OPCML: variants seen among roughly 807,000 people sequenced by gnomAD.
OPCML encodes opioid binding protein/cell adhesion molecule like.
In OPCML, 13 loss-of-function variants were observed where a neutral mutation model predicts 37.8. The ratio of observed to expected loss-of-function variants is 0.34; its 90% CI spans 0.22 to 0.55. OPCML has a LOEUF of 0.55. Ranked by LOEUF, OPCML falls within the 20% of genes least tolerant of loss-of-function variation. The pLI is 0.91. For missense variants in OPCML, 341 were observed against 435.6 expected, an observed-to-expected ratio of 0.78 and a Z score of 1.93; for synonymous variants, 176 against 168.8, an observed-to-expected ratio of 1.04 and a Z score of -0.33.
At chr11:133,271,078 T>C (rs1941814772) in intron 1 of OPCML, among the ~76,000 whole-genome samples, 3 of 152,222 alleles carry the variant, frequency 2.0e-5, no homozygotes, top group Admixed American at 6.5e-5. Context: ...TCAGACTTTG[T>C]GGCCAGGAAT....
At chr11:132,837,662 C>T (rs559858622) in intron 2 of OPCML, among the ~76,000 whole-genome samples, 3 of 152,234 alleles carry the variant, frequency 2.0e-5, no homozygotes, top group Admixed American at 2.0e-4. Context: ...CAGCAAGGGG[C>T]CAAGGTCAGT....
intron 3 of OPCML, among the ~76,000 whole-genome samples, chr11:132,591,230 C>T (rs1004573258): frequency 3.3e-5 from 5 of 152,126 alleles, no homozygotes; most frequent in African/African-American, 4.8e-5. Context: ...CAGACAGAGA[C>T]GGGTGTGAGG....
At chr11:132,423,655 G>A (rs893131160) in intron 7 of OPCML, among the ~76,000 whole-genome samples, 2 of 152,242 alleles carry the variant, frequency 1.3e-5, no homozygotes, top group African/African-American at 4.8e-5. Context: ...CTAGGCTGCT[G>A]TATGCTACAG....
At chr11:132,964,804 T>A (rs1286578332) in intron 1 of OPCML, among the ~76,000 whole-genome samples, 1 of 152,154 alleles carries the variant, frequency 6.6e-6, no homozygotes, top group Non-Finnish European at 1.5e-5. Flanking sequence ...ATTCTATCGT[T>A]CCTTTATGAA....
At chr11:133,503,941 C>A (rs531733547) in intron 1 of OPCML, among the ~76,000 whole-genome samples, 1 of 151,996 alleles carries the variant, frequency 6.6e-6, no homozygotes, top group African/African-American at 2.4e-5. Context: ...GCAGGGAAGG[C>A]GGGAGGAGGA....
chr11:133,270,105 C>A (rs1321959637), intron 1 of OPCML, among the ~76,000 whole-genome samples: 1 of 152,172 alleles, frequency 6.6e-6, no homozygotes, highest in Non-Finnish European at 1.5e-5. Flanking sequence ...ACAGCAAAGA[C>A]ACCAAGAACT....
intron 1 of OPCML, among the ~76,000 whole-genome samples, chr11:133,034,747 T>A (rs1030217333): frequency 1.6e-4 from 23 of 142,712 alleles, no homozygotes; most frequent in African/African-American, 5.8e-4. Flanking sequence ...TGTTGTTTTT[T>A]TTCCTTTTTT....
chr11:133,301,179 A>G (rs1466198242), intron 1 of OPCML: 1 of 152,178 alleles, frequency 6.6e-6, no homozygotes, highest in African/African-American at 2.4e-5. Context: ...TAGTTTGGTG[A>G]TAAACTATAT....
intron 3 of OPCML, among the ~76,000 whole-genome samples, chr11:132,531,933 T>G (rs1309750638): frequency 1.3e-5 from 2 of 152,098 alleles, no homozygotes; most frequent in Admixed American, 6.6e-5. Context: ...TCTTAATTTT[T>G]TTTCAGATCC....
chr11:132,917,601 G>A (rs571029379), intron 2 of OPCML, among the ~76,000 whole-genome samples: 14 of 152,250 alleles, frequency 9.2e-5, no homozygotes, highest in South Asian at 8.3e-4. Context: ...GAGGTACCTC[G>A]TTCCCTCCAA....
chr11:132,803,427 T>C (rs1938801066), intron 2 of OPCML, among the ~76,000 whole-genome samples: 1 of 152,290 alleles, frequency 6.6e-6, no homozygotes, highest in African/African-American at 2.4e-5. Flanking sequence ...TGGGTAAGGA[T>C]GGGGATAAAA....
intron 1 of OPCML, among the ~76,000 whole-genome samples, chr11:133,528,302 C>T (rs577869084): frequency 3.3e-5 from 5 of 152,318 alleles, no homozygotes; most frequent in African/African-American, 9.6e-5. Context: ...ACATGTCGAT[C>T]ATTTTTAAGG....
At chr11:133,386,731 G>A (rs1771460937) in intron 1 of OPCML, among the ~76,000 whole-genome samples, 1 of 152,216 alleles carries the variant, frequency 6.6e-6, no homozygotes, top group South Asian at 2.1e-4. Flanking sequence ...TGACCTGTTA[G>A]TACGCACCCC....
At chr11:132,948,568 C>A (rs533112442) in intron 1 of OPCML, among the ~76,000 whole-genome samples, 3 of 152,104 alleles carry the variant, frequency 2.0e-5, no homozygotes, top group Non-Finnish European at 2.9e-5. Flanking sequence ...GGCAGGCTCA[C>A]AGGCAAGTTT....
At chr11:133,034,115 G>C (rs1217978290) in intron 1 of OPCML, among the ~76,000 whole-genome samples, 1 of 152,164 alleles carries the variant, frequency 6.6e-6, no homozygotes, top group Non-Finnish European at 1.5e-5. Flanking sequence ...GTGATATTTT[G>C]AGAAAGAGGC....
At chr11:132,888,207 A>C (rs1943497356) in intron 2 of OPCML, among the ~76,000 whole-genome samples, 1 of 152,190 alleles carries the variant, frequency 6.6e-6, no homozygotes, top group African/African-American at 2.4e-5. Context: ...TAAGATGGCC[A>C]AGATCTGGGT....
chr11:132,472,572 T>G (rs557928869), intron 4 of OPCML, among the ~76,000 whole-genome samples: 1 of 152,342 alleles, frequency 6.6e-6, no homozygotes, highest in Non-Finnish European at 1.5e-5. Context: ...TAATTCTGCC[T>G]GTAAAAGCAG....
At position 132,941,172 on chromosome 11, in the gene OPCML, G is replaced by C. The variant is rs150452918; in HGVS notation, c.146+1754C>G. On this transcript the variant is annotated intron_variant, in intron 2 of 7. Coordinates refer to ENST00000524381, the MANE Select transcript of OPCML (RefSeq NM_001012393.5). ...TCCCAAGCCCAGCTGCTCAACATTA[G>C]AATTGAAGATCATGAAAACAGGCCA... 1.1e-3 allele frequency among the ~76,000 whole-genome samples: 174 copies of C among 152,204 alleles called. 1 individual carries two copies. Among genetic ancestry groups the C allele is most frequent in the Non-Finnish European group, 1.9e-3 (132 of 68,014 alleles).
chr11:132,975,999 T>C (rs574199330), intron 1 of OPCML, among the ~76,000 whole-genome samples: 2 of 152,316 alleles, frequency 1.3e-5, no homozygotes, highest in East Asian at 3.9e-4. Context: ...CTCGATCTCC[T>C]GACCTTGTGA....
Sources: gnomAD v4.1 joint callset for allele counts (sites outside exome capture counted in the v4.1 genomes callset) on GRCh38, gnomAD v4.1.1 for gene constraint, MANE v1.5 for transcripts, NCBI Gene and HGNC (gene_info 2026-07-23, HGNC 2026-07-21) for gene names.